Variants in PREP observed in about 807,000 individuals in gnomAD.
PREP encodes the protein prolyl endopeptidase, also known as dJ355L5.1 (prolyl endopeptidase).
PREP carries 29 observed loss-of-function variants against 87.6 expected under a neutral mutation model. That is an observed-to-expected ratio of 0.33 (90% CI 0.25 to 0.45). The LOEUF (loss-of-function observed/expected upper bound fraction) is 0.45. Ranked by LOEUF, PREP falls within the 20% of genes least tolerant of loss-of-function variation. PREP has a pLI of 1.00. For missense variants in PREP, 695 were observed against 886.5 expected, an observed-to-expected ratio of 0.78 and a Z score of 2.74; for synonymous variants, 337 against 328.6, an observed-to-expected ratio of 1.03 and a Z score of -0.28.
chr6:105,349,013 G>C (rs1055261335), intron 7 of PREP, among the ~76,000 whole-genome samples: 1 of 151,856 alleles, frequency 6.6e-6, no homozygotes, highest in Non-Finnish European at 1.5e-5. Context: ...CTTTGGAGAC[G>C]ATCTGCTTAG....
intron 9 of PREP, among the ~76,000 whole-genome samples, chr6:105,326,575 G>A (rs1420287469): frequency 3.3e-5 from 5 of 152,176 alleles, no homozygotes; most frequent in Admixed American, 6.5e-5. Flanking sequence ...ATATAATTGA[G>A]TACCTCTGCT....
At chr6:105,350,956 T>C (rs958727862) in intron 7 of PREP, among the ~76,000 whole-genome samples, 12 of 152,206 alleles carry the variant, frequency 7.9e-5, no homozygotes, top group Non-Finnish European at 1.5e-5. Context: ...TGTTATTCTC[T>C]TCATATTCTG....
intron 10 of PREP, among the ~76,000 whole-genome samples, chr6:105,299,730 T>C (rs577086335): frequency 1.3e-5 from 2 of 152,366 alleles, no homozygotes; most frequent in East Asian, 3.9e-4. Context: ...TACTTCCTTG[T>C]AAATATCTTT....
At position 105,353,054 on chromosome 6, in the gene PREP, G is replaced by A. The variant is rs1771999772; in HGVS notation, c.741C>T (p.Val247=). ...GAELSDDGRY[V]LLSIREGCDP... ...CACATCCTTCCCTTATTGATAACAA[G>A]ACATAGCGGCCATCATCAGATAACT... The change falls in exon 7 of 15, where the codon GTC becomes GTT. Residue 247 remains valine (V), a synonymous_variant. Transcript: ENST00000652536. 2 of 1,613,388 alleles carry A rather than the reference G, an allele frequency of 1.2e-6. No individual in the cohort carries two copies. The highest frequency in any genetic ancestry group is 2.2e-5 in the East Asian group (1 of 44,866).
At chr6:105,381,220 C>G (rs569998886) in intron 2 of PREP, among the ~76,000 whole-genome samples, 1 of 152,204 alleles carries the variant, frequency 6.6e-6, no homozygotes, top group Non-Finnish European at 1.5e-5. Flanking sequence ...TCCTAAAAGT[C>G]TCAAGTTTTT....
At chr6:105,353,973 C>A (rs980961489) in intron 6 of PREP, among the ~76,000 whole-genome samples, 2 of 151,914 alleles carry the variant, frequency 1.3e-5, no homozygotes, top group African/African-American at 4.8e-5. Flanking sequence ...TGTTAGGTAG[C>A]AAAAAGAATC....
In PREP at chr6:105,274,183, G is replaced by GA. The variant is rs552261229; in HGVS notation, c.*3960dup. On this transcript the variant is annotated 3_prime_UTR_variant, in exon 15 of 15. Transcript: ENST00000652536. ...CAGAAATTGCTCTCTCACAGTCCTA[G>GA]AGTCTGGGACATCTAAGATCAAGGC... 6.0e-4 allele frequency among the ~76,000 whole-genome samples: 92 copies of GA among 152,196 alleles called. No individual in the cohort carries two copies. The highest frequency in any genetic ancestry group is 2.2e-3 in the African/African-American group (92 of 41,534).
intron 11 of PREP, 126 bp downstream of exon 11, chr6:105,288,632 T>C (rs534639887): frequency 8.1e-7 from 1 of 1,236,958 alleles, no homozygotes; most frequent in East Asian, 2.5e-5. Flanking sequence ...GCTGGGATTA[T>C]AGGTGTGAAC....
At chr6:105,325,609 T>G (rs1410017548) in intron 9 of PREP, among the ~76,000 whole-genome samples, 2 of 152,244 alleles carry the variant, frequency 1.3e-5, no homozygotes, top group African/African-American at 4.8e-5. Flanking sequence ...GTGTTAAACC[T>G]GAAGGTACTG....
chr6:105,375,210 A>T (rs1205357028), intron 4 of PREP, among the ~76,000 whole-genome samples: 1 of 152,140 alleles, frequency 6.6e-6, no homozygotes, highest in South Asian at 2.1e-4. Context: ...GTGTTTGTAT[A>T]AAAAAGGGTC....
chr6:105,383,516 C>CT (rs1321366036), intron 2 of PREP, among the ~76,000 whole-genome samples: 1 of 152,166 alleles, frequency 6.6e-6, no homozygotes. Context: ...TTGGGCTCAA[C>CT]TTTAACATAA....
intron 9 of PREP, among the ~76,000 whole-genome samples, chr6:105,326,380 C>T (rs1230900684): frequency 1.3e-5 from 2 of 152,186 alleles, no homozygotes; most frequent in Non-Finnish European, 2.9e-5. Flanking sequence ...GCTGCTATGG[C>T]TGCCTGTTTT....
intron 9 of PREP, among the ~76,000 whole-genome samples, chr6:105,327,890 A>G (rs1266271404): frequency 1.3e-5 from 2 of 152,130 alleles, no homozygotes; most frequent in Non-Finnish European, 2.9e-5. Context: ...CTACAAAAAC[A>G]GTGCAGATGG....
chr6:105,382,527 CA>C (rs1772872724), intron 2 of PREP, among the ~76,000 whole-genome samples: 1 of 151,868 alleles, frequency 6.6e-6, no homozygotes, highest in African/African-American at 2.4e-5. Context: ...AAATACTGTT[CA>C]CTTAAAAAAA....
intron 6 of PREP, among the ~76,000 whole-genome samples, chr6:105,360,189 A>C (rs1772210564): frequency 6.6e-6 from 1 of 152,214 alleles, no homozygotes; most frequent in East Asian, 1.9e-4. Context: ...TTTAGTGCTG[A>C]ATAAGTACAC....
chr6:105,306,272 T>C (rs1316108923), intron 10 of PREP, among the ~76,000 whole-genome samples: 1 of 152,136 alleles, frequency 6.6e-6, no homozygotes, highest in Admixed American at 6.5e-5. Flanking sequence ...GCATTCAGGA[T>C]GGTGGATGGG....
At chr6:105,299,690 T>C (rs1308928055) in intron 10 of PREP, among the ~76,000 whole-genome samples, 6 of 152,228 alleles carry the variant, frequency 3.9e-5, no homozygotes, top group African/African-American at 7.2e-5. Context: ...TTTTTCCTAC[T>C]ATATCACAAA....
Position 105,373,449 on chromosome 6 carries a change from T to C in PREP, c.515A>G (p.Lys172Arg), listed in dbSNP as rs768692312. 6.2e-7 allele frequency: 1 copy of C among 1,614,254 alleles called. No homozygotes were observed. The highest frequency in any genetic ancestry group is 8.5e-7 in the Non-Finnish European group (1 of 1,180,046). Reference protein sequence around the residue: ...KELPDVLERVKFSCMAWTHDG... With the variant: ...KELPDVLERVRFSCMAWTHDG... Reference sequence around the variant, plus strand: ...ATGGGTCCAGGCCATACAGCTGAACTTGACTCTTTCAAGCACATCTGGAAG... The same window carrying C: ...ATGGGTCCAGGCCATACAGCTGAACCTGACTCTTTCAAGCACATCTGGAAG... The change falls in exon 5 of 15, where the codon AAG becomes AGG. Residue 172 changes from lysine (K) to arginine (R), a missense_variant. Physicochemically the swap from Lys to Arg is conservative, Grantham distance 26. This residue lies in a region of PREP where 517 missense variants were observed against 620.3 expected (regional missense o/e 0.83). Transcript: ENST00000652536.
At position 105,397,185 on chromosome 6, in the gene PREP, C is replaced by CCAAAAA. The variant is rs775026045; in HGVS notation, c.120+667_120+668insTTTTTG. On this transcript the variant is annotated intron_variant, in intron 2 of 14. Coordinates refer to ENST00000652536, the MANE Select transcript of PREP (RefSeq NM_002726.5). ...GGGTGACAGAGTAAGACTCTGTCTA[C>CCAAAAA]AAAAAAAAAAAAAAAAAGTATACAT... Among the ~76,000 whole-genome samples, 338 of 86,852 alleles carry CCAAAAA rather than the reference C, an allele frequency of 3.9e-3. 20 individuals carry two copies. Among genetic ancestry groups the CCAAAAA allele is most frequent in the African/African-American group, 8.6e-3 (233 of 27,036 alleles). 57.0% of individuals were successfully genotyped at this position (86,852 alleles called of 152,430 possible). A position where few individuals can be genotyped will look rare whatever the true frequency, so the allele number is the denominator to read the frequency against.
Sources: gnomAD v4.1 joint callset for allele counts (sites outside exome capture counted in the v4.1 genomes callset) on GRCh38, gnomAD v4.1.1 for gene constraint, gnomAD v4.1.1 regional missense constraint, MANE v1.5 for transcripts, NCBI Gene and HGNC (gene_info 2026-07-23, HGNC 2026-07-21) for gene names.